Variants in ALG6 observed in about 807,000 individuals in gnomAD.
The protein encoded by ALG6 is dolichyl pyrophosphate Man9GlcNAc2 alpha-1,3-glucosyltransferase.
ALG6 carries 46 observed loss-of-function variants against 66.6 expected under a neutral mutation model. The observed-to-expected ratio is 0.69, with a 90% confidence interval of 0.55 to 0.88. The LOEUF (loss-of-function observed/expected upper bound fraction) is 0.88. Among genes scored for constraint, ALG6 ranks in the 40% least tolerant of loss-of-function variants. The probability of loss-of-function intolerance (pLI) is 0.00; values close to 1 mark genes in which losing one functional copy is unlikely to be tolerated. For synonymous variants in ALG6, 185 were observed against 203.7 expected (o/e 0.91, Z 0.78); for missense variants, 505 against 586.8 (o/e 0.86, Z 1.44).
intron 14 of ALG6, 125 bp from the exon 15 acceptor site, chr1:63,436,698 C>G (rs1644680389): frequency 1.1e-6 from 1 of 915,348 alleles, no homozygotes; most frequent in Non-Finnish European, 1.7e-6. Context: ...TTGAGATACA[C>G]CAGAATAAAT....
At chr1:63,380,756 A>G (rs1648275027) in intron 2 of ALG6, among the ~76,000 whole-genome samples, 1 of 152,218 alleles carries the variant, frequency 6.6e-6, no homozygotes. Context: ...TGTGACTTAC[A>G]TATATTACTT....
At position 63,400,335 on chromosome 1, in the gene ALG6, ACGTATATATATATG is replaced by A. The variant is rs1557587867; in HGVS notation, c.168-1918_168-1905del. Reference sequence around the variant, plus strand: ...TATATATATACGTATATATATATATACGTATATATATATGTATATATATATGTATATATATGTAT... The same window carrying A: ...TATATATATACGTATATATATATATATATATATATATGTATATATATGTAT... On this transcript the variant is annotated intron_variant, in intron 3 of 14. Transcript: ENST00000263440. Among the ~76,000 whole-genome samples, 210 of 17,716 alleles carry A rather than the reference ACGTATATATATATG, an allele frequency of 0.012. 45 individuals are homozygous for A. In the East Asian group the frequency reaches 0.29, roughly 25 times the overall value. 11.6% of individuals were successfully genotyped at this position (17,716 alleles called of 152,430 possible).
At chr1:63,427,973 AT>A (rs1049586037) in intron 12 of ALG6, among the ~76,000 whole-genome samples, 3 of 150,794 alleles carry the variant, frequency 2.0e-5, no homozygotes, top group East Asian at 1.9e-4. Context: ...AGCCCAGCTA[AT>A]TTTTTTTGTA....
intron 2 of ALG6, among the ~76,000 whole-genome samples, chr1:63,371,453 T>G (rs542865662): frequency 2.6e-5 from 4 of 151,998 alleles, no homozygotes. Context: ...AGAGGGGGAA[T>G]TGATGGAGTG....
At chr1:63,398,293 A>G (rs1280336036) in intron 3 of ALG6, among the ~76,000 whole-genome samples, 2 of 152,204 alleles carry the variant, frequency 1.3e-5, no homozygotes, top group East Asian at 1.9e-4. Flanking sequence ...ATGATTAAAT[A>G]AAGTCTATTT....
intron 11 of ALG6, 55 bp from the exon 12 acceptor site, chr1:63,419,315 T>C: frequency 7.8e-7 from 1 of 1,286,960 alleles, no homozygotes; most frequent in Non-Finnish European, 1.1e-6. Flanking sequence ...ATAATTAACT[T>C]GATATGCTAT....
rs565810888 is a variant in ALG6, at chr1:63,424,233, C to T, written c.1059-4500C>T. ...TCAGCTCACTGCAACCTCCGCCTCC[C>T]GGGTTCAAGTGATTCTCCTGCCTCA... is the stretch of plus-strand genomic sequence containing the variant. On this transcript the variant is annotated intron_variant, in intron 12 of 14. Transcript: ENST00000263440. Among the ~76,000 whole-genome samples the T allele has an allele frequency of 5.3e-5, 8 of 152,250 alleles. No individual in the cohort carries two copies. The South Asian group carries it at 1.0e-3, about 20-fold the overall frequency.
intron 3 of ALG6, among the ~76,000 whole-genome samples, chr1:63,398,507 C>T (rs181879246): frequency 4.0e-4 from 61 of 152,274 alleles, no homozygotes; most frequent in African/African-American, 1.3e-3. Flanking sequence ...GAGTCTCGCT[C>T]TGTTGTCCAG....
intron 12 of ALG6, among the ~76,000 whole-genome samples, chr1:63,422,232 A>T (rs1407827522): frequency 4.9e-5 from 2 of 40,894 alleles, no homozygotes; most frequent in Admixed American, 4.2e-4. Flanking sequence ...TATAAATATA[A>T]ATATATATAT....
intron 5 of ALG6, among the ~76,000 whole-genome samples, chr1:63,404,825 C>T (rs899008103): frequency 3.9e-5 from 6 of 152,014 alleles, no homozygotes; most frequent in African/African-American, 1.4e-4. Flanking sequence ...TTATTTTAAG[C>T]TGAGGAAACT....
At chr1:63,389,872 G>C (rs973604644) in intron 2 of ALG6, among the ~76,000 whole-genome samples, 5 of 152,180 alleles carry the variant, frequency 3.3e-5, no homozygotes, top group Admixed American at 3.3e-4. Flanking sequence ...AAATCTGAGA[G>C]AATTCTTTGG....
chr1:63,396,829 A>G (rs1464728958), intron 3 of ALG6, among the ~76,000 whole-genome samples: 2 of 152,164 alleles, frequency 1.3e-5, no homozygotes, highest in East Asian at 1.9e-4. Flanking sequence ...TAGAACGTTG[A>G]TGATAAAACT....
chr1:63,371,376 G>T, intron 2 of ALG6: 1 of 334,990 alleles, frequency 3.0e-6, no homozygotes, highest in South Asian at 2.7e-5. Flanking sequence ...AGTCTGTTTA[G>T]GGTAGAGAAG....
intron 3 of ALG6, among the ~76,000 whole-genome samples, chr1:63,400,187 T>C (rs1644440178): frequency 2.5e-5 from 2 of 81,546 alleles, no homozygotes; most frequent in African/African-American, 5.5e-5. Flanking sequence ...AGAGCAAAAC[T>C]CTGTCTCAAA....
chr1:63,410,898 A>G (rs1378686253), intron 7 of ALG6, among the ~76,000 whole-genome samples: 1 of 152,194 alleles, frequency 6.6e-6, no homozygotes, highest in African/African-American at 2.4e-5. Context: ...ACCAAAACAA[A>G]TCAGTTGCTG....
chr1:63,429,066 C>A lies in ALG6; in HGVS notation c.1266C>A (p.Ser422=), dbSNP rs748902317. The part of the protein sequence containing the change: ...SEEELQLKSF[S]ISVRKYLPCF... Reference sequence around the variant, plus strand: ...AAGAACTGCAGTTGAAATCCTTTTCCATTTCTGTGAGGAAATATCTTCCAT... The same window carrying A: ...AAGAACTGCAGTTGAAATCCTTTTCAATTTCTGTGAGGAAATATCTTCCAT... Residue 422 remains serine (S), a synonymous_variant, in exon 14 of 15, where the codon TCC becomes TCA. Transcript: ENST00000263440. 2 of 1,605,240 alleles carry A rather than the reference C, an allele frequency of 1.2e-6. No homozygotes were observed. Among genetic ancestry groups the A allele is most frequent in the Admixed American group, 1.7e-5 (1 of 58,806 alleles).
intron 1 of ALG6, among the ~76,000 whole-genome samples, 189 bp downstream of exon 1, chr1:63,367,876 CGGTGATAGT>C (rs958020246): frequency 6.6e-6 from 1 of 152,158 alleles, no homozygotes. Flanking sequence ...TGAGGGGACG[CGGTGATAGT>C]GGTGGCACTT....
intron 10 of ALG6, 137 bp downstream of exon 10, chr1:63,414,283 G>A (rs1408523248): frequency 8.0e-6 from 5 of 625,698 alleles, no homozygotes; most frequent in Non-Finnish European, 1.1e-5. Context: ...ACAGAGTCTG[G>A]CTCTGTCACC....
chr1:63,371,817 C>T (rs1051832925), intron 2 of ALG6, among the ~76,000 whole-genome samples: 1 of 152,014 alleles, frequency 6.6e-6, no homozygotes, highest in Admixed American at 6.6e-5. Context: ...GCTGGCCAGG[C>T]TGGTGTCGAA....
Sources: allele counts gnomAD v4.1 joint callset (sites outside exome capture counted in the v4.1 genomes callset), GRCh38; gene constraint gnomAD v4.1.1; transcripts MANE v1.5; gene names NCBI Gene and HGNC (gene_info 2026-07-23, HGNC 2026-07-21).